The following ZBED1 variants were observed in gnomAD, a reference collection of about 807,000 sequenced individuals.
The protein encoded by ZBED1 is zinc finger BED-type containing 1.
In ZBED1, 19 loss-of-function variants were observed where a neutral mutation model predicts 49.7. The observed-to-expected ratio is 0.38, with a 90% CI of 0.27 to 0.56. The LOEUF (loss-of-function observed/expected upper bound fraction) is 0.56. ZBED1 is among the 20% of genes least tolerant of loss of function. The pLI is 0.70. For missense variants in ZBED1, 806 were observed against 972.6 expected (o/e 0.83, Z 2.28); for synonymous variants, 439 against 440.3 (o/e 1.00, Z 0.04).
Position 2,488,830 on chromosome X carries a change from G to A in ZBED1, c.1890C>T (p.Ser630=), listed in dbSNP as rs202068168. The change falls in exon 2 of 2, where the codon AGC becomes AGT. Residue 630 remains serine, a synonymous_variant. Coordinates refer to ENST00000652001, the MANE Select transcript of ZBED1 (RefSeq NM_001171136.2). ...CGGGAGCCAGCCGGTTCCTCTTGGC[G>A]CTGACCACGTTGGCGGCGGATCCGA... ...RLFGSAANVV[S]AKRNRLAPAH... 34 of 1,613,814 alleles carry A rather than the reference G, an allele frequency of 2.1e-5. No individual in the cohort carries two copies. In the Middle Eastern group the frequency reaches 5.0e-4, roughly 24 times the overall value.
chrX:2,489,219 C>T lies in ZBED1; in HGVS notation c.1501G>A (p.Ala501Thr), dbSNP rs1569344697. 2 of 1,613,818 alleles carry T rather than the reference C, an allele frequency of 1.2e-6. No homozygotes were observed. The highest frequency in any genetic ancestry group is 3.3e-5 in the Admixed American group (2 of 60,012). The part of the protein sequence containing the change: ...QQVENRVVEE[A>T]KGLLDKVKDG... Reference sequence around the variant, plus strand: ...TTGACCTTGTCCAGCAGGCCCTTGGCCTCTTCCACCACGCGATTCTCCACC... The same window carrying T: ...TTGACCTTGTCCAGCAGGCCCTTGGTCTCTTCCACCACGCGATTCTCCACC... The change falls in exon 2 of 2, where the codon GCC becomes ACC. Residue 501 changes from alanine (A) to threonine (T), a missense_variant. By Grantham distance (58) the Ala-to-Thr change is moderately conservative. Transcript: ENST00000652001.
At position 2,490,503 on chromosome X, in the gene ZBED1, C is replaced by T. The variant is rs1437534515; in HGVS notation, c.217G>A (p.Glu73Lys). The T allele has an allele frequency of 1.9e-6, 3 of 1,613,910 alleles. No homozygotes were observed. The highest frequency in any genetic ancestry group is 2.2e-5 in the East Asian group (1 of 44,854). ...LSYHLEKNHP[E>K]EFCEFVKSNT... ...CTCTTGACGAACTCGCAGAATTCCTCGGGGTGGTTCTTCTCCAGGTGGTAG... is the reference window on the plus strand; with the variant it reads ...CTCTTGACGAACTCGCAGAATTCCTTGGGGTGGTTCTTCTCCAGGTGGTAG... Residue 73 changes from glutamate (E) to lysine (K), a missense_variant, in exon 2 of 2, where the codon GAG (glutamate) becomes AAG (lysine). Glu to Lys is a moderately conservative substitution (Grantham distance 56). Transcript: ENST00000652001.
At chrX:2,500,775 C>T (rs1303915891) in intron 1 of ZBED1, 42 bp downstream of exon 1, 1 of 1,008,554 alleles carries the variant, frequency 9.9e-7, no homozygotes, top group African/African-American at 1.7e-5. Context: ...CCCGCGCCCA[C>T]CCGGGTCCCC....
At chrX:2,494,178 TG>T (rs1366966295) in intron 1 of ZBED1, among the ~76,000 whole-genome samples, 2 of 152,000 alleles carry the variant, frequency 1.3e-5, no homozygotes, top group African/African-American at 4.8e-5. Flanking sequence ...TCCCAGTGCC[TG>T]GGGCCAAGGT....
At chrX:2,494,527 G>C (rs1434526972) in intron 1 of ZBED1, among the ~76,000 whole-genome samples, 1 of 151,692 alleles carries the variant, frequency 6.6e-6, no homozygotes, top group African/African-American at 2.4e-5. Flanking sequence ...TTATTATTAG[G>C]CTGAAAGAAG....
intron 1 of ZBED1, among the ~76,000 whole-genome samples, chrX:2,491,961 A>G (rs1348301070): frequency 1.3e-5 from 2 of 152,190 alleles, no homozygotes; most frequent in Admixed American, 1.3e-4. Context: ...GCCCAAAATG[A>G]CAGCTGGGCT....
chrX:2,489,256 G>C lies in ZBED1; in HGVS notation c.1464C>G (p.Phe488Leu). Residue 488 changes from phenylalanine to leucine, a missense_variant, in exon 2 of 2, where the codon TTC becomes TTG. Phe to Leu is a conservative substitution (Grantham distance 22). Transcript: ENST00000652001. Reference protein sequence around the residue: ...RYKRLPFLSAFERQQVENRVV... With the variant: ...RYKRLPFLSALERQQVENRVV... ...CGCGATTCTCCACCTGCTGCCGCTC[G>C]AAGGCGGAGAGGAAGGGCAGCCTCT... 6.2e-7 allele frequency: 1 copy of C among 1,613,954 alleles called. No homozygotes were observed. The highest frequency in any genetic ancestry group is 8.5e-7 in the Non-Finnish European group (1 of 1,179,868).
chrX:2,493,236 A>C (rs2045201728), intron 1 of ZBED1, among the ~76,000 whole-genome samples: 1 of 152,190 alleles, frequency 6.6e-6, no homozygotes, highest in Admixed American at 6.5e-5. Context: ...TGGATTACAC[A>C]GTCAACGGAG....
In ZBED1 at chrX:2,490,187, C is replaced by G; in HGVS notation, c.533G>C (p.Gly178Ala). The G allele has an allele frequency of 6.2e-7, 1 of 1,613,978 alleles. No homozygotes were observed. Among genetic ancestry groups the G allele is most frequent in the Non-Finnish European group, 8.5e-7 (1 of 1,179,872 alleles). The change falls in exon 2 of 2, where the codon GGG becomes GCG. Residue 178 changes from glycine (G) to alanine (A), a missense_variant. Around this residue, in one of 2 missense-constraint regions of ZBED1, gnomAD observed 749 missense variants for 861.3 expected, o/e 0.87. Coordinates refer to ENST00000652001, the MANE Select transcript of ZBED1 (RefSeq NM_001171136.2). The stretch of plus-strand genomic sequence containing the variant: ...CTTCAGGATCACCTCCCGGACGGCC[C>G]CGTACTTCTCAGGGATGGCCTTGGT... ...ISTKAIPEKY[G>A]AVREVILKEL...
Position 2,500,848 on chromosome X carries a change from C to T in ZBED1, c.-85G>A, listed in dbSNP as rs1451633392. On this transcript the variant is annotated 5_prime_UTR_variant, in exon 1 of 2. Coordinates refer to ENST00000652001, the MANE Select transcript of ZBED1 (RefSeq NM_001171136.2). The stretch of plus-strand genomic sequence containing the variant: ...CCAGGAAGCCCCCGCGGCAGCGCCG[C>T]AGCAGCTGCGCCAGGATCACCGCGG... 1 of 1,154,508 alleles carries T rather than the reference C, an allele frequency of 8.7e-7. No homozygotes were observed. The highest frequency in any genetic ancestry group is 1.1e-6 in the Non-Finnish European group (1 of 933,862). The allele number at this position is 1,154,508 out of a possible 1,614,324, so 71.5% of individuals were successfully genotyped here.
rs371214650 is a variant in ZBED1 at position 2,488,879 on chromosome X, G to C, written c.1841C>G (p.Thr614Arg). Residue 614 changes from threonine (T) to arginine (R), a missense_variant, in exon 2 of 2, where the codon ACG becomes AGG. This residue lies in a region of ZBED1 where 749 missense variants were observed against 861.3 expected (regional missense o/e 0.87). Transcript: ENST00000652001. ...GAAGAGACGCTCAGGGGCGACGCGC[G>C]TGGCCGTCACGCACCAGTACTTCTG... The part of the protein sequence containing the change: ...VLQKYWCVTA[T>R]RVAPERLFGS... 1 of 1,612,170 alleles carries C rather than the reference G, an allele frequency of 6.2e-7. No homozygotes were observed. The highest frequency in any genetic ancestry group is 8.5e-7 in the Non-Finnish European group (1 of 1,178,926).
In ZBED1 at chrX:2,489,559, C is replaced by T; in HGVS notation, c.1161G>A (p.Glu387=). Residue 387 remains glutamate (E), a synonymous_variant, in exon 2 of 2, where the codon GAG becomes GAA. Transcript: ENST00000652001. ...CCTCGATGGTGGCCCACTCGCTGGC[C>T]TCCAGCATGAGGTGGTGGTTGTTGC... ...EDSNNHHLML[E]ASEWATIEGL... is the part of the protein sequence containing the mutation. 6.2e-7 allele frequency: 1 copy of T among 1,612,746 alleles called. No homozygotes were observed. The highest frequency in any genetic ancestry group is 8.5e-7 in the Non-Finnish European group (1 of 1,179,846).
At chrX:2,498,163 C>G (rs766200271) in intron 1 of ZBED1, among the ~76,000 whole-genome samples, 1 of 152,276 alleles carries the variant, frequency 6.6e-6, no homozygotes, top group East Asian at 1.9e-4. Context: ...TGTAAGTCAA[C>G]TCATGTGGAA....
intron 1 of ZBED1, among the ~76,000 whole-genome samples, chrX:2,496,082 G>C (rs1308639094): frequency 6.6e-6 from 1 of 152,218 alleles, no homozygotes; most frequent in African/African-American, 2.4e-5. Flanking sequence ...CCAAGTTTCT[G>C]TTCGACAGGA....
At chrX:2,495,800 C>T (rs995532392) in intron 1 of ZBED1, among the ~76,000 whole-genome samples, 4 of 152,036 alleles carry the variant, frequency 2.6e-5, no homozygotes, top group African/African-American at 9.7e-5. Flanking sequence ...GGGACACTCC[C>T]CAAAACGCTC....
chrX:2,498,143 T>G (rs1351578048), intron 1 of ZBED1, among the ~76,000 whole-genome samples: 1 of 152,172 alleles, frequency 6.6e-6, no homozygotes, highest in Non-Finnish European at 1.5e-5. Flanking sequence ...ATTTCTTCCT[T>G]CTCATACCAT....
chrX:2,489,612 C>T lies in ZBED1; in HGVS notation c.1108G>A (p.Val370Ile), dbSNP rs2045067062. 9.9e-6 allele frequency: 16 copies of T among 1,612,534 alleles called. No individual in the cohort carries two copies. Among genetic ancestry groups the T allele is most frequent in the Non-Finnish European group, 1.3e-5 (15 of 1,179,844 alleles). Reference sequence around the variant, plus strand: ...TCCTCCACCAAGACCCCGGCGATGACGAACTGCTGCTCCTTGAGGCGCTGC... The same window carrying T: ...TCCTCCACCAAGACCCCGGCGATGATGAACTGCTGCTCCTTGAGGCGCTGC... Reference protein sequence around the residue: ...MLQRLKEQQFVIAGVLVEDSN... With the variant: ...MLQRLKEQQFIIAGVLVEDSN... Residue 370 changes from valine (V) to isoleucine (I), a missense_variant, in exon 2 of 2, where the codon GTC becomes ATC. Val to Ile is a conservative substitution (Grantham distance 29, BLOSUM62 3). This residue lies in a region of ZBED1 where 749 missense variants were observed against 861.3 expected (regional missense o/e 0.87). Transcript: ENST00000652001.
intron 1 of ZBED1, among the ~76,000 whole-genome samples, chrX:2,495,770 G>A (rs903215352): frequency 2.2e-4 from 33 of 152,104 alleles, no homozygotes; most frequent in Admixed American, 1.4e-3. Context: ...TCCCCAGTGC[G>A]GGGGGAGGGG....
intron 1 of ZBED1, among the ~76,000 whole-genome samples, chrX:2,493,176 C>T (rs1396148287): frequency 1.3e-5 from 2 of 152,178 alleles, no homozygotes; most frequent in Non-Finnish European, 2.9e-5. Flanking sequence ...TTCCACAAAA[C>T]GAGGAACCCC....
Sources: allele counts gnomAD v4.1 joint callset (sites outside exome capture counted in the v4.1 genomes callset), GRCh38; gene constraint gnomAD v4.1.1; regional missense constraint gnomAD v4.1.1; transcripts MANE v1.5; gene names NCBI Gene and HGNC (gene_info 2026-07-23, HGNC 2026-07-21).